Variants in FBXL17 observed in about 807,000 individuals in gnomAD.
FBXL17 encodes the protein F-box and leucine rich repeat protein 17, also known as F-box/LRR-repeat protein 17.
In FBXL17, 22 loss-of-function variants were observed where a neutral mutation model predicts 66.2. The ratio of observed to expected loss-of-function variants is 0.33; its 90% CI spans 0.24 to 0.47. The LOEUF is 0.47. FBXL17 is among the 20% of genes least tolerant of loss of function. The probability of loss-of-function intolerance (pLI) is 1.00; values close to 1 mark genes in which losing one functional copy is unlikely to be tolerated. For synonymous variants in FBXL17, 474 were observed against 400.5 expected (o/e 1.18, Z -2.19); for missense variants, 878 against 948.2 (o/e 0.93, Z 0.97).
intron 6 of FBXL17, among the ~76,000 whole-genome samples, chr5:108,027,071 T>C (rs1754853558): frequency 1.3e-5 from 2 of 152,102 alleles, no homozygotes; most frequent in South Asian, 2.1e-4. Flanking sequence ...AAAAGTAATA[T>C]ACCAACAAAA....
intron 8 of FBXL17, chr5:107,880,227 C>G: frequency 3.0e-6 from 1 of 335,664 alleles, no homozygotes; most frequent in South Asian, 1.2e-4. Flanking sequence ...GCCATTATGC[C>G]TGGCTAATTT....
At chr5:107,873,362 A>G (rs752244878) in intron 8 of FBXL17, among the ~76,000 whole-genome samples, 30 of 152,352 alleles carry the variant, frequency 2.0e-4, no homozygotes, top group Non-Finnish European at 3.4e-4. Flanking sequence ...CCTATCACCT[A>G]TCACAGTGAC....
chr5:108,224,587 G>T (rs2044709), intron 4 of FBXL17, among the ~76,000 whole-genome samples: 68,238 of 151,040 alleles, frequency 0.45, 15,693 homozygotes, highest in Non-Finnish European at 0.5. Context: ...GGTTTGTTTT[G>T]GGGTTTTTTG....
chr5:107,957,387 T>C (rs1375618308), intron 7 of FBXL17, among the ~76,000 whole-genome samples: 1 of 151,934 alleles, frequency 6.6e-6, no homozygotes, highest in Non-Finnish European at 1.5e-5. Context: ...TTTTTTCCCA[T>C]TGGTTAGAGA....
intron 1 of FBXL17, among the ~76,000 whole-genome samples, chr5:108,380,013 C>G (rs1484617007): frequency 6.6e-6 from 1 of 152,168 alleles, no homozygotes; most frequent in African/African-American, 2.4e-5. Context: ...AGACCTAGAT[C>G]TACCCTTTAC....
At chr5:107,897,244 CA>C (rs917199828) in intron 7 of FBXL17, among the ~76,000 whole-genome samples, 13 of 152,056 alleles carry the variant, frequency 8.5e-5, no homozygotes, top group Admixed American at 3.9e-4. Context: ...AAAAATGCCA[CA>C]AAAAATTTTA....
chr5:107,868,047 A>G (rs1748334976), intron 8 of FBXL17, among the ~76,000 whole-genome samples: 1 of 152,260 alleles, frequency 6.6e-6, no homozygotes, highest in African/African-American at 2.4e-5. Flanking sequence ...GGAAGACAGG[A>G]AAGGAATAAT....
chr5:108,189,721 C>T (rs530399697), intron 5 of FBXL17, among the ~76,000 whole-genome samples: 18 of 152,222 alleles, frequency 1.2e-4, no homozygotes, highest in Admixed American at 9.8e-4. Context: ...CTAGGTGGGC[C>T]TGACATAATC....
At chr5:107,936,256 T>C (rs961350296) in intron 7 of FBXL17, among the ~76,000 whole-genome samples, 1 of 152,156 alleles carries the variant, frequency 6.6e-6, no homozygotes, top group Non-Finnish European at 1.5e-5. Context: ...TAAGGCATCA[T>C]GTATCTTCAA....
intron 6 of FBXL17, among the ~76,000 whole-genome samples, chr5:108,181,274 C>A (rs1483295520): frequency 6.6e-6 from 1 of 152,110 alleles, no homozygotes; most frequent in Non-Finnish European, 1.5e-5. Flanking sequence ...GACGTAATAA[C>A]CAGATGTTTA....
At chr5:108,100,359 T>C (rs553076099) in intron 6 of FBXL17, among the ~76,000 whole-genome samples, 4 of 152,320 alleles carry the variant, frequency 2.6e-5, no homozygotes, top group Admixed American at 2.0e-4. Flanking sequence ...AGAATGTGCA[T>C]GTATGCATCA....
chr5:108,261,462 A>G (rs1468328923), intron 4 of FBXL17, among the ~76,000 whole-genome samples: 1 of 152,136 alleles, frequency 6.6e-6, no homozygotes, highest in East Asian at 1.9e-4. Context: ...AAGAAGATAA[A>G]CTTTGGAAAA....
In FBXL17 at chr5:107,861,850, A is replaced by G. The variant is rs757112502; in HGVS notation, c.1976T>C (p.Val659Ala). The G allele has an allele frequency of 1.2e-5, 19 of 1,531,382 alleles. No homozygotes were observed. Among genetic ancestry groups the G allele is most frequent in the Non-Finnish European group, 1.7e-5 (19 of 1,133,376 alleles). The allele number at this position is 1,531,382 out of a possible 1,614,324, so 94.9% of individuals were successfully genotyped here. A position where few individuals can be genotyped will look rare whatever the true frequency, so the allele number is the denominator to read the frequency against. Reference protein sequence around the residue: ...GLMRCDKVNEVTVEQLVQQYP... With the variant: ...GLMRCDKVNEATVEQLVQQYP... Reference sequence around the variant, plus strand: ...CTGCTGCACCAGCTGTTCCACCGTCACTTCGTTGACCTGCAAACAAAGAAG... The same window carrying G: ...CTGCTGCACCAGCTGTTCCACCGTCGCTTCGTTGACCTGCAAACAAAGAAG... Residue 659 changes from valine to alanine, a missense_variant, in exon 9 of 9, where the codon GTG (valine) becomes GCG (alanine). Physicochemically the swap from Val to Ala is moderately conservative, Grantham distance 64. Around this residue, in one of 4 missense-constraint regions of FBXL17, gnomAD observed 236 missense variants for 389.1 expected, o/e 0.61. Coordinates refer to ENST00000542267, the MANE Select transcript of FBXL17 (RefSeq NM_001163315.3).
rs142761130 is a variant in FBXL17, at chr5:108,202,877, C to T, written c.1615-16630G>A. Among the ~76,000 whole-genome samples, 380 of 152,060 alleles carry T rather than the reference C, an allele frequency of 2.5e-3. 3 individuals carry two copies. Among genetic ancestry groups the T allele is most frequent in the African/African-American group, 8.8e-3 (367 of 41,478 alleles). On this transcript the variant is annotated intron_variant, in intron 5 of 8. Transcript: ENST00000542267. ...CCTTATTCAGTGTATTGCTATAGTA[C>T]GAGTTTTTTAAATGCTTTTTAAAAA...
At chr5:108,261,505 T>C (rs990722689) in intron 4 of FBXL17, among the ~76,000 whole-genome samples, 1 of 152,100 alleles carries the variant, frequency 6.6e-6, no homozygotes, top group African/African-American at 2.4e-5. Flanking sequence ...TTTTTAAGTA[T>C]TGAAGAAAAC....
intron 6 of FBXL17, among the ~76,000 whole-genome samples, chr5:108,157,168 C>T (rs13166164): frequency 0.31 from 44,588 of 144,294 alleles, 7,925 homozygotes; most frequent in Admixed American, 0.41. Flanking sequence ...CTATCTATGG[C>T]ACTGAACAAA....
chr5:108,078,038 G>A (rs1183339844), intron 6 of FBXL17, among the ~76,000 whole-genome samples: 2 of 152,060 alleles, frequency 1.3e-5, no homozygotes, highest in Non-Finnish European at 2.9e-5. Flanking sequence ...ATACCTCAGA[G>A]GCGCTAGAAA....
At chr5:108,323,572 A>T (rs1239381943) in intron 4 of FBXL17, among the ~76,000 whole-genome samples, 1 of 151,964 alleles carries the variant, frequency 6.6e-6, no homozygotes, top group Non-Finnish European at 1.5e-5. Flanking sequence ...TCTGAAGGGC[A>T]TTTTTTGCAG....
chr5:108,286,996 C>A (rs1757924784), intron 4 of FBXL17, among the ~76,000 whole-genome samples: 3 of 151,986 alleles, frequency 2.0e-5, no homozygotes, highest in Non-Finnish European at 1.5e-5. Flanking sequence ...ACAATCTAAT[C>A]TTCAACAAAG....
Sources: allele counts gnomAD v4.1 joint callset (sites outside exome capture counted in the v4.1 genomes callset), GRCh38; gene constraint gnomAD v4.1.1; regional missense constraint gnomAD v4.1.1; transcripts MANE v1.5; gene names NCBI Gene and HGNC (gene_info 2026-07-23, HGNC 2026-07-21).